CASP4: variants seen among roughly 807,000 people sequenced by gnomAD.
The protein encoded by CASP4 is caspase 4.
Under a neutral mutation model 41.3 loss-of-function variants are expected in CASP4, and 29 were observed. The observed-to-expected ratio is 0.70, with a 90% CI of 0.52 to 0.96. The LOEUF (loss-of-function observed/expected upper bound fraction) is 0.96, where lower values mean the gene tolerates loss of function less well. CASP4 is among the 40% of genes least tolerant of loss of function. The pLI is 0.00. For missense variants in CASP4, 447 were observed against 460.6 expected (o/e 0.97, Z 0.27); for synonymous variants, 185 against 158.4 (o/e 1.17, Z -1.26).
Position 104,949,528 on chromosome 11 carries a change from A to G in CASP4, c.781+15T>C. ...ACACCTTCATAACTGTTAGATGTTC[A>G]GTCTCAGCACTCACCACCTCTGCAG... is the stretch of plus-strand genomic sequence containing the variant. On this transcript the variant is annotated intron_variant, in intron 5 of 8. Transcript: ENST00000444739. 5.0e-6 allele frequency: 8 copies of G among 1,612,332 alleles called. No individual in the cohort carries two copies. Among genetic ancestry groups the G allele is most frequent in the Non-Finnish European group, 6.8e-6 (8 of 1,178,422 alleles).
intron 1 of CASP4, 121 bp downstream of exon 1, chr11:104,968,398 A>G (rs1306378548): frequency 4.3e-5 from 38 of 880,006 alleles, no homozygotes; most frequent in Non-Finnish European, 7.2e-5. Flanking sequence ...CACAATCAGT[A>G]AGAAAAGGAA....
chr11:104,944,921 T>A, intron 7 of CASP4, 70 bp from the exon 8 acceptor site: 1 of 1,063,266 alleles, frequency 9.4e-7, no homozygotes, highest in Non-Finnish European at 1.5e-6. Flanking sequence ...TTTCACCATG[T>A]ACCAGACAAC....
chr11:104,959,810 T>A (rs934210098), intron 1 of CASP4, among the ~76,000 whole-genome samples: 2 of 152,202 alleles, frequency 1.3e-5, no homozygotes, highest in Non-Finnish European at 2.9e-5. Flanking sequence ...TTAATTCACA[T>A]TGCATCGATT....
chr11:104,958,201 C>G (rs1208864138), intron 1 of CASP4, among the ~76,000 whole-genome samples: 3 of 152,066 alleles, frequency 2.0e-5, no homozygotes, highest in African/African-American at 4.8e-5. Context: ...CAGAGGGGAA[C>G]AGCTTCATAA....
At chr11:104,967,917 T>A (rs1358520994) in intron 1 of CASP4, among the ~76,000 whole-genome samples, 1 of 152,164 alleles carries the variant, frequency 6.6e-6, no homozygotes, top group Admixed American at 6.5e-5. Flanking sequence ...AAAAGTTGTG[T>A]GCAGAATGGA....
At chr11:104,947,321 GCACTTACAACCTGA>G in intron 6 of CASP4, 129 bp from the exon 7 acceptor site, 2 of 509,770 alleles carry the variant, frequency 3.9e-6, no homozygotes, top group Middle Eastern at 9.7e-4. Context: ...TTTGTAGGAA[GCACTTACAACCTGA>G]CATTTACCTA....
chr11:104,955,095 G>C, intron 1 of CASP4, 94 bp from the exon 2 acceptor site: 12 of 1,212,892 alleles, frequency 9.9e-6, no homozygotes, highest in Non-Finnish European at 1.4e-5. Flanking sequence ...AAATACTTCT[G>C]AAAGTATGTC....
chr11:104,952,589 AT>A (rs372211936), intron 2 of CASP4, among the ~76,000 whole-genome samples: 214 of 152,316 alleles, frequency 1.4e-3, no homozygotes, highest in African/African-American at 4.3e-3. Context: ...ACAAAATCCT[AT>A]TTTGGAGTAA....
rs368133405 is a variant in CASP4, at chr11:104,954,776, T to C, written c.233A>G (p.Asn78Ser). The part of the protein sequence containing the change: ...AGQMLLQTFF[N>S]IDQISPNKKA... ...TTTATTGGGGGATATTTGGTCTATG[T>C]TAAAAAAGGTTTGAAGAAGCATTTG... The change falls in exon 2 of 9, where the codon AAC becomes AGC. Residue 78 changes from asparagine (N) to serine (S), a missense_variant. Asn to Ser is a conservative substitution (Grantham distance 46). Coordinates refer to ENST00000444739, the MANE Select transcript of CASP4 (RefSeq NM_001225.4). 1 of 1,613,416 alleles carries C rather than the reference T, an allele frequency of 6.2e-7. No homozygotes were observed. Among genetic ancestry groups the C allele is most frequent in the African/African-American group, 1.3e-5 (1 of 74,894 alleles).
rs769733828 is a variant in CASP4, at chr11:104,944,888, CT to C, written c.1036-38del. On this transcript the variant is annotated intron_variant, in intron 7 of 8. Transcript: ENST00000444739. ...AATAGGCTGTAGATGAGATACGACT[CT>C]TTTCAAGTCTCAGAAAGCATCTTTC... 8.3e-6 allele frequency: 11 copies of C among 1,318,588 alleles called. No individual in the cohort carries two copies. The Admixed American group carries it at 1.2e-4, about 14-fold the overall frequency. The allele number at this position is 1,318,588 out of a possible 1,614,324, so 81.7% of individuals were successfully genotyped here.
intron 2 of CASP4, among the ~76,000 whole-genome samples, chr11:104,954,125 A>G (rs1860679996): frequency 6.6e-6 from 1 of 152,174 alleles, no homozygotes; most frequent in South Asian, 2.1e-4. Context: ...GTTTCGGTCT[A>G]CTGAGATGAA....
Position 104,948,437 on chromosome 11 carries a change from TC to T in CASP4, c.925+95del. 4 of 1,215,358 alleles carry T rather than the reference TC, an allele frequency of 3.3e-6. No individual in the cohort carries two copies. The East Asian group carries it at 9.8e-5, about 30-fold the overall frequency. 75.3% of individuals were successfully genotyped at this position (1,215,358 alleles called of 1,614,324 possible). A position where few individuals can be genotyped will look rare whatever the true frequency, so the allele number is the denominator to read the frequency against. On this transcript the variant is annotated intron_variant, in intron 6 of 8. Transcript: ENST00000444739. ...TATGTGGAGAGCACACAACATTCTATCAGATCATTGTTTCATAGGGATTCTT... is the reference window on the plus strand; with the variant it reads ...TATGTGGAGAGCACACAACATTCTATAGATCATTGTTTCATAGGGATTCTT...
At chr11:104,964,863 T>G (rs1860938261) in intron 1 of CASP4, among the ~76,000 whole-genome samples, 1 of 152,182 alleles carries the variant, frequency 6.6e-6, no homozygotes, top group Non-Finnish European at 1.5e-5. Context: ...AGATTCCTCA[T>G]GGAACAGAGT....
At chr11:104,962,680 C>G (rs1371901256) in intron 1 of CASP4, among the ~76,000 whole-genome samples, 1 of 152,136 alleles carries the variant, frequency 6.6e-6, no homozygotes, top group Non-Finnish European at 1.5e-5. Context: ...TTTATACCAT[C>G]CAGCCCTAAA....
intron 1 of CASP4, among the ~76,000 whole-genome samples, chr11:104,961,099 G>A (rs995604324): frequency 1.3e-5 from 2 of 152,236 alleles, no homozygotes; most frequent in African/African-American, 4.8e-5. Context: ...GTGGTTTGGT[G>A]CCCCCGCTCC....
chr11:104,966,868 C>G (rs1860986465), intron 1 of CASP4, among the ~76,000 whole-genome samples: 1 of 152,116 alleles, frequency 6.6e-6, no homozygotes, highest in African/African-American at 2.4e-5. Context: ...CTAAGTATCC[C>G]CTTCAACTAC....
intron 2 of CASP4, among the ~76,000 whole-genome samples, chr11:104,952,341 C>G (rs965999635): frequency 6.6e-6 from 1 of 152,080 alleles, no homozygotes; most frequent in African/African-American, 2.4e-5. Flanking sequence ...TGTGGACTTT[C>G]TATTGTGTCT....
In CASP4 at chr11:104,951,115, T is replaced by C; in HGVS notation, c.373-17A>G. On this transcript the variant is annotated splice_polypyrimidine_tract_variant and intron_variant, in intron 3 of 8. Coordinates refer to ENST00000444739, the MANE Select transcript of CASP4 (RefSeq NM_001225.4). Reference sequence around the variant, plus strand: ...TGGATAGATCTGCAGGATATGGAGATGCAATAAATTTAATTTACTCAAGTC... The same window carrying C: ...TGGATAGATCTGCAGGATATGGAGACGCAATAAATTTAATTTACTCAAGTC... 6.2e-7 allele frequency: 1 copy of C among 1,604,028 alleles called. No individual in the cohort carries two copies. The highest frequency in any genetic ancestry group is 8.5e-7 in the Non-Finnish European group (1 of 1,174,388).
In CASP4 at chr11:104,948,611, A is replaced by G. The variant is rs1191161413; in HGVS notation, c.847T>C (p.Ser283Pro). 1.2e-6 allele frequency: 2 copies of G among 1,611,566 alleles called. No individual in the cohort carries two copies. The highest frequency in any genetic ancestry group is 1.7e-6 in the Non-Finnish European group (2 of 1,178,518). The change falls in exon 6 of 9, where the codon TCT (serine) becomes CCT (proline). Residue 283 changes from serine to proline, a missense_variant. Ser to Pro is a moderately conservative substitution (Grantham distance 74). Coordinates refer to ENST00000444739, the MANE Select transcript of CASP4 (RefSeq NM_001225.4). ...ASLEVASSQSSENLEEDAVYK... is the reference protein window; with the variant it reads ...ASLEVASSQSPENLEEDAVYK... ...ACAGCATCTTCCTCTAGGTTCTCAG[A>G]TGACTGTGAAGAGGCCACTTCCAAG...
Sources: allele counts gnomAD v4.1 joint callset (sites outside exome capture counted in the v4.1 genomes callset), GRCh38; gene constraint gnomAD v4.1.1; transcripts MANE v1.5; gene names NCBI Gene and HGNC (gene_info 2026-07-23, HGNC 2026-07-21).